DNM3: variants seen among roughly 807,000 people sequenced by gnomAD.
DNM3 encodes dynamin-3.
In DNM3, 47 loss-of-function variants were observed where a neutral mutation model predicts 101.6. The ratio of observed to expected loss-of-function variants is 0.46; its 90% CI spans 0.37 to 0.59. The LOEUF is 0.59. DNM3 is among the 20% of genes least tolerant of loss of function. The pLI is 0.00. For synonymous variants in DNM3, 385 were observed against 387.9 expected (o/e 0.99, Z 0.09); for missense variants, 849 against 1,085.7 (o/e 0.78, Z 3.06).
chr1:172,332,775 C>G (rs1306000457), intron 17 of DNM3, among the ~76,000 whole-genome samples: 1 of 152,178 alleles, frequency 6.6e-6, no homozygotes, highest in Non-Finnish European at 1.5e-5. Context: ...TTGTCTAAGG[C>G]AAGCCACATG....
intron 1 of DNM3, among the ~76,000 whole-genome samples, chr1:171,859,424 C>T (rs1335084736): frequency 2.0e-5 from 3 of 152,222 alleles, no homozygotes; most frequent in South Asian, 2.1e-4. Flanking sequence ...GTGAGCCTCT[C>T]GAGGGCAGGG....
At chr1:171,949,171 A>G (rs1400337804) in intron 2 of DNM3, among the ~76,000 whole-genome samples, 1 of 152,154 alleles carries the variant, frequency 6.6e-6, no homozygotes, top group Non-Finnish European at 1.5e-5. Flanking sequence ...TAATTTTTGT[A>G]CCATTAACAA....
intron 14 of DNM3, among the ~76,000 whole-genome samples, chr1:172,245,119 A>G (rs925908611): frequency 6.6e-6 from 1 of 152,152 alleles, no homozygotes; most frequent in Admixed American, 6.5e-5. Context: ...CTGAATGTCT[A>G]TGATGCAACC....
intron 15 of DNM3, among the ~76,000 whole-genome samples, chr1:172,273,659 G>C (rs967274486): frequency 6.6e-6 from 1 of 152,062 alleles, no homozygotes; most frequent in Non-Finnish European, 1.5e-5. Flanking sequence ...CAAATTTCTA[G>C]TACACAACTT....
At position 171,987,903 on chromosome 1, in the gene DNM3, G is replaced by C. The variant is rs575621768; in HGVS notation, c.385+98G>C. ...GTACAGAAGATACAAATAGTGCTGGGTTTCTAGGGTATCCTTTGGATACTG... is the reference window on the plus strand; with the variant it reads ...GTACAGAAGATACAAATAGTGCTGGCTTTCTAGGGTATCCTTTGGATACTG... On this transcript the variant is annotated intron_variant, in intron 3 of 20. Transcript: ENST00000627582. 6 of 1,219,496 alleles carry C rather than the reference G, an allele frequency of 4.9e-6. No homozygotes were observed. The Admixed American group carries it at 1.1e-4, about 23-fold the overall frequency. 75.5% of individuals were successfully genotyped at this position (1,219,496 alleles called of 1,614,324 possible). A position where few individuals can be genotyped will look rare whatever the true frequency, so the allele number is the denominator to read the frequency against.
intron 15 of DNM3, among the ~76,000 whole-genome samples, chr1:172,291,329 A>G (rs576243291): frequency 6.6e-6 from 1 of 152,138 alleles, no homozygotes; most frequent in Non-Finnish European, 1.5e-5. Context: ...GCATGCTAGT[A>G]TACAATATGA....
intron 18 of DNM3, chr1:172,386,808 C>G: frequency 7.7e-6 from 2 of 260,742 alleles, no homozygotes; most frequent in South Asian, 1.2e-4. Context: ...CTTCTATAAG[C>G]CAAACAGCTC....
chr1:171,953,126 G>A lies in DNM3; in HGVS notation c.235+31305G>A, dbSNP rs189012154. On this transcript the variant is annotated intron_variant, in intron 2 of 20. Transcript: ENST00000627582. ...GCCATATAAGAGATGATCTGCTAAGGTATCTAGAGGACTAACATCTATGCC... is the reference window on the plus strand; with the variant it reads ...GCCATATAAGAGATGATCTGCTAAGATATCTAGAGGACTAACATCTATGCC... Among the ~76,000 whole-genome samples the A allele has an allele frequency of 2.9e-3, 444 of 152,276 alleles. 2 individuals carry two copies. The highest frequency in any genetic ancestry group is 0.01 in the African/African-American group (425 of 41,554).
At chr1:172,145,921 G>T (rs1260530853) in intron 14 of DNM3, among the ~76,000 whole-genome samples, 1 of 152,100 alleles carries the variant, frequency 6.6e-6, no homozygotes, top group African/African-American at 2.4e-5. Flanking sequence ...TTCTTTCCCT[G>T]TTGTGGCTGT....
chr1:172,242,971 T>G (rs2061806452), intron 14 of DNM3, among the ~76,000 whole-genome samples: 2 of 152,198 alleles, frequency 1.3e-5, no homozygotes, highest in Non-Finnish European at 2.9e-5. Context: ...TGAAAATATT[T>G]TGTTCACTAT....
intron 12 of DNM3, among the ~76,000 whole-genome samples, chr1:172,083,701 C>CT (rs1200170559): frequency 6.6e-6 from 1 of 151,660 alleles, no homozygotes; most frequent in Non-Finnish European, 1.5e-5. Context: ...CTTCTTGAAA[C>CT]TTTTTTTTTC....
At chr1:171,949,863 G>C (rs1230015801) in intron 2 of DNM3, among the ~76,000 whole-genome samples, 1 of 152,144 alleles carries the variant, frequency 6.6e-6, no homozygotes, top group Non-Finnish European at 1.5e-5. Flanking sequence ...TTGGAAAAGA[G>C]TTTTGCACTT....
chr1:172,089,928 G>C (rs1160108615), intron 12 of DNM3, among the ~76,000 whole-genome samples: 1 of 152,114 alleles, frequency 6.6e-6, no homozygotes, highest in African/African-American at 2.4e-5. Context: ...GTTTCTGTCT[G>C]TCTCCTTTAT....
intron 10 of DNM3, among the ~76,000 whole-genome samples, chr1:172,056,203 A>G (rs926698108): frequency 1.4e-4 from 21 of 152,176 alleles, no homozygotes; most frequent in Admixed American, 1.3e-4. Flanking sequence ...CGCCCACGGA[A>G]TCTCGCTGAT....
At chr1:172,373,627 T>C (rs1192152636) in intron 17 of DNM3, among the ~76,000 whole-genome samples, 1 of 152,106 alleles carries the variant, frequency 6.6e-6, no homozygotes, top group Non-Finnish European at 1.5e-5. Flanking sequence ...TTTGCCACTT[T>C]ATAAAATGTA....
intron 11 of DNM3, among the ~76,000 whole-genome samples, chr1:172,073,643 GC>G (rs2052400546): frequency 6.6e-6 from 1 of 152,130 alleles, no homozygotes. Flanking sequence ...GGACTCTGAT[GC>G]GTTCAAATGC....
chr1:171,886,226 T>C (rs1054872083), intron 1 of DNM3, among the ~76,000 whole-genome samples: 3 of 152,240 alleles, frequency 2.0e-5, no homozygotes, highest in East Asian at 1.9e-4. Context: ...TGTCAAATTG[T>C]TAAGCTCCTT....
rs983426242 is a variant in DNM3 at position 172,191,165 on chromosome 1, C to T, written c.1659+59877C>T. Among the ~76,000 whole-genome samples, 18 of 152,266 alleles carry T rather than the reference C, an allele frequency of 1.2e-4. No individual in the cohort carries two copies. In the South Asian group the frequency reaches 3.7e-3, roughly 32 times the overall value. ...ATGGTTTTAGTTCTAACATTTAAGT[C>T]TTTTAACCATCTTGAATTGATTTTT... On this transcript the variant is annotated intron_variant, in intron 14 of 20. Coordinates refer to ENST00000627582, the MANE Select transcript of DNM3 (RefSeq NM_015569.5).
At chr1:171,863,302 A>G (rs2034375946) in intron 1 of DNM3, among the ~76,000 whole-genome samples, 1 of 152,064 alleles carries the variant, frequency 6.6e-6, no homozygotes, top group Non-Finnish European at 1.5e-5. Flanking sequence ...CTGAAAGGTA[A>G]AGAAGCTGGT....
Sources: gnomAD v4.1 joint callset for allele counts (sites outside exome capture counted in the v4.1 genomes callset) on GRCh38, gnomAD v4.1.1 for gene constraint, MANE v1.5 for transcripts, NCBI Gene and HGNC (gene_info 2026-07-23, HGNC 2026-07-21) for gene names.